The following SCFD2 variants were observed in gnomAD, a reference collection of about 807,000 sequenced individuals.
SCFD2 encodes sec1 family domain containing 2.
Under a neutral mutation model 58.9 loss-of-function variants are expected in SCFD2, and 54 were observed. The ratio of observed to expected loss-of-function variants is 0.92; its 90% CI spans 0.74 to 1.15. The LOEUF is 1.15. SCFD2 is among the 50% of genes most tolerant of loss of function. The pLI is 0.00. For synonymous variants in SCFD2, 321 were observed against 335.9 expected (o/e 0.96, Z 0.49); for missense variants, 805 against 836.6 (o/e 0.96, Z 0.47).
intron 3 of SCFD2, among the ~76,000 whole-genome samples, chr4:53,278,022 T>C (rs1312873151): frequency 6.7e-6 from 1 of 148,444 alleles, no homozygotes; most frequent in Non-Finnish European, 1.5e-5. Flanking sequence ...CACTGCACTC[T>C]AGCCCAGGGA....
At chr4:52,928,568 CCTT>C (rs999843117) in intron 5 of SCFD2, among the ~76,000 whole-genome samples, 1 of 152,138 alleles carries the variant, frequency 6.6e-6, no homozygotes, top group African/African-American at 2.4e-5. Flanking sequence ...AGTGGGGACT[CCTT>C]CTTGAAGTCC....
chr4:52,903,642 C>T (rs1719276378), intron 7 of SCFD2, among the ~76,000 whole-genome samples: 1 of 152,218 alleles, frequency 6.6e-6, no homozygotes, highest in Non-Finnish European at 1.5e-5. Flanking sequence ...CTTTCTGATT[C>T]TCACAGTGAT....
intron 5 of SCFD2, among the ~76,000 whole-genome samples, chr4:52,998,901 C>T (rs1423922608): frequency 6.6e-6 from 1 of 151,924 alleles, no homozygotes; most frequent in Non-Finnish European, 1.5e-5. Flanking sequence ...TCCAACAGTC[C>T]CTGAGCTATA....
intron 5 of SCFD2, among the ~76,000 whole-genome samples, chr4:52,935,408 C>T (rs1720111102): frequency 6.6e-6 from 1 of 152,204 alleles, no homozygotes; most frequent in South Asian, 2.1e-4. Context: ...ACCATGTTGG[C>T]TCCTGATCAA....
chr4:53,098,199 A>C (rs1724718785), intron 5 of SCFD2, among the ~76,000 whole-genome samples: 2 of 152,180 alleles, frequency 1.3e-5, no homozygotes, highest in South Asian at 2.1e-4. Context: ...TGTCTCTGCC[A>C]GGATTTGGTA....
At chr4:53,334,305 T>TATA (rs1733602358) in intron 2 of SCFD2, among the ~76,000 whole-genome samples, 2 of 152,296 alleles carry the variant, frequency 1.3e-5, no homozygotes, top group South Asian at 4.1e-4. Flanking sequence ...AGCACACGTA[T>TATA]GTTTATTGTG....
At chr4:53,159,460 T>C (rs1178891619) in intron 4 of SCFD2, among the ~76,000 whole-genome samples, 1 of 152,132 alleles carries the variant, frequency 6.6e-6, no homozygotes, top group East Asian at 1.9e-4. Context: ...TCCAAATCCT[T>C]GGGACAAGGA....
intron 5 of SCFD2, among the ~76,000 whole-genome samples, chr4:52,958,638 G>A (rs1475935955): frequency 3.3e-5 from 5 of 152,136 alleles, no homozygotes; most frequent in African/African-American, 7.2e-5. Context: ...ACAGCTCTCG[G>A]AGGAGCGACT....
At chr4:53,171,193 G>C (rs1056257038) in intron 4 of SCFD2, among the ~76,000 whole-genome samples, 6 of 152,090 alleles carry the variant, frequency 3.9e-5, no homozygotes, top group African/African-American at 1.4e-4. Flanking sequence ...CCTTCTACTA[G>C]ACCTAATTTG....
chr4:52,970,107 T>C (rs1721060531), intron 5 of SCFD2, among the ~76,000 whole-genome samples: 1 of 152,106 alleles, frequency 6.6e-6, no homozygotes, highest in Middle Eastern at 3.2e-3. Flanking sequence ...AGAAGACAGG[T>C]GATTTCTTCA....
intron 4 of SCFD2, among the ~76,000 whole-genome samples, chr4:53,233,567 G>A (rs766868666): frequency 2.0e-5 from 3 of 152,154 alleles, no homozygotes; most frequent in Admixed American, 6.6e-5. Flanking sequence ...CTAAAGCAAG[G>A]CCAGTTAAAA....
At chr4:53,312,734 T>C (rs369939686) in intron 3 of SCFD2, among the ~76,000 whole-genome samples, 5 of 152,282 alleles carry the variant, frequency 3.3e-5, no homozygotes, top group African/African-American at 1.2e-4. Flanking sequence ...ACTTGGCCTA[T>C]GAATCTCAGC....
intron 6 of SCFD2, among the ~76,000 whole-genome samples, chr4:52,909,607 ATTGT>A (rs942773139): frequency 1.5e-4 from 23 of 152,136 alleles, no homozygotes; most frequent in Admixed American, 2.6e-4. Flanking sequence ...TTTTCATTGT[ATTGT>A]TTATTTATTT....
intron 4 of SCFD2, among the ~76,000 whole-genome samples, chr4:53,192,556 G>A (rs1353624319): frequency 2.0e-5 from 3 of 152,138 alleles, no homozygotes; most frequent in African/African-American, 7.2e-5. Context: ...AAAAATCAGA[G>A]GGGAAAGCAT....
At chr4:53,266,026 G>A (rs1304224873) in intron 4 of SCFD2, among the ~76,000 whole-genome samples, 1 of 152,050 alleles carries the variant, frequency 6.6e-6, no homozygotes, top group Non-Finnish European at 1.5e-5. Flanking sequence ...ACCAGGCCTG[G>A]CCAATAAATT....
At chr4:53,161,437 A>G (rs1459049814) in intron 4 of SCFD2, among the ~76,000 whole-genome samples, 1 of 152,198 alleles carries the variant, frequency 6.6e-6, no homozygotes, top group African/African-American at 2.4e-5. Flanking sequence ...GAATTCATCA[A>G]ATAATCTAAT....
intron 4 of SCFD2, among the ~76,000 whole-genome samples, chr4:53,263,976 C>T (rs1041350534): frequency 6.6e-6 from 1 of 152,152 alleles, no homozygotes; most frequent in Non-Finnish European, 1.5e-5. Flanking sequence ...GCTGCAGCTA[C>T]TGTGGGAGAT....
chr4:53,358,553 A>AG (rs1490144931), intron 1 of SCFD2, among the ~76,000 whole-genome samples: 3 of 147,926 alleles, frequency 2.0e-5, no homozygotes, highest in Admixed American at 1.3e-4. Context: ...ACGCTGTCTC[A>AG]GGGAAAAAAA....
intron 4 of SCFD2, among the ~76,000 whole-genome samples, chr4:53,213,668 A>AT (rs1236243392): frequency 6.6e-6 from 1 of 151,996 alleles, no homozygotes; most frequent in East Asian, 1.9e-4. Flanking sequence ...TCATTTATTT[A>AT]TTTTTTTATA....
Sources: allele counts gnomAD v4.1 joint callset (sites outside exome capture counted in the v4.1 genomes callset), GRCh38; gene constraint gnomAD v4.1.1; transcripts MANE v1.5; gene names NCBI Gene and HGNC (gene_info 2026-07-23, HGNC 2026-07-21).